RDX: variants seen among roughly 807,000 people sequenced by gnomAD.
The protein encoded by RDX is radixin.
In RDX, 32 loss-of-function variants were observed where a neutral mutation model predicts 83.7. That is an observed-to-expected ratio of 0.38 (90% CI 0.29 to 0.51). The LOEUF is 0.51. RDX is among the 20% of genes least tolerant of loss of function. RDX has a pLI of 0.87. For missense variants in RDX, 600 were observed against 689.9 expected (o/e 0.87, Z 1.46); for synonymous variants, 229 against 222.7 (o/e 1.03, Z -0.25).
chr11:110,250,541 T>C (rs957784218), intron 9 of RDX, among the ~76,000 whole-genome samples: 2 of 152,186 alleles, frequency 1.3e-5, no homozygotes, highest in African/African-American at 4.8e-5. Flanking sequence ...CAGACCCAGC[T>C]CTGGCATATA....
intron 3 of RDX, among the ~76,000 whole-genome samples, chr11:110,265,114 T>TTTTTTTTTTTG (rs1859981361): frequency 7.0e-6 from 1 of 143,118 alleles, no homozygotes. Context: ...TTTTTGTTTT[T>TTTTTTTTTTTG]TTTTTTTTTG....
At chr11:110,219,035 A>AG (rs1413128079) in intron 14 of RDX, among the ~76,000 whole-genome samples, 1 of 152,232 alleles carries the variant, frequency 6.6e-6, no homozygotes, top group African/African-American at 2.4e-5. Context: ...GTAAATATAT[A>AG]GTATGCTAGA....
intron 14 of RDX, among the ~76,000 whole-genome samples, chr11:110,206,184 G>A (rs1178035599): frequency 6.6e-6 from 1 of 150,836 alleles, no homozygotes; most frequent in Admixed American, 6.6e-5. Context: ...TTGAACCCAG[G>A]AGGCAGAGGT....
intron 2 of RDX, among the ~76,000 whole-genome samples, chr11:110,275,087 A>G (rs976954688): frequency 6.6e-6 from 1 of 152,204 alleles, no homozygotes; most frequent in African/African-American, 2.4e-5. Context: ...ATTTATTAAT[A>G]TCTGACAATT....
intron 1 of RDX, among the ~76,000 whole-genome samples, chr11:110,293,200 A>G (rs367708072): frequency 6.6e-6 from 1 of 152,230 alleles, no homozygotes; most frequent in Non-Finnish European, 1.5e-5. Flanking sequence ...GATATAAAGT[A>G]TATGTTTATC....
chr11:110,262,511 C>T (rs1859845784), intron 5 of RDX, among the ~76,000 whole-genome samples: 1 of 152,004 alleles, frequency 6.6e-6, no homozygotes, highest in Non-Finnish European at 1.5e-5. Context: ...TCGCTTGAAT[C>T]CGGGAGGCGG....
At chr11:110,287,388 G>A (rs1161534999) in intron 1 of RDX, among the ~76,000 whole-genome samples, 1 of 152,038 alleles carries the variant, frequency 6.6e-6, no homozygotes, top group Non-Finnish European at 1.5e-5. Context: ...ACAGTCTCTG[G>A]TACTGTACTG....
chr11:110,267,332 G>C (rs1009628271), intron 3 of RDX, among the ~76,000 whole-genome samples: 8 of 152,016 alleles, frequency 5.3e-5, no homozygotes, highest in Non-Finnish European at 1.2e-4. Context: ...GGTCAACATG[G>C]TGAAACCCCA....
chr11:110,295,986 CG>C lies in RDX; in HGVS notation c.-65+480del, dbSNP rs376492550. ...ACACCCCTCCTTTCAAACTGGAGGC[CG>C]GGGAACAAGTTCTAATAAATGTAAA... is the stretch of plus-strand genomic sequence containing the variant. On this transcript the variant is annotated intron_variant, in intron 1 of 13. Transcript: ENST00000645495. 4.0e-4 allele frequency among the ~76,000 whole-genome samples: 61 copies of C among 152,360 alleles called. No homozygotes were observed. In the East Asian group the frequency reaches 0.01, roughly 26 times the overall value.
chr11:110,215,987 T>C (rs1864037647), intron 14 of RDX, among the ~76,000 whole-genome samples: 1 of 152,170 alleles, frequency 6.6e-6, no homozygotes, highest in African/African-American at 2.4e-5. Flanking sequence ...ACACTGACAC[T>C]TCCATCCCTG....
chr11:110,197,221 C>T (rs184483817), intron 15 of RDX, among the ~76,000 whole-genome samples: 4 of 151,094 alleles, frequency 2.6e-5, no homozygotes, highest in East Asian at 1.9e-4. Context: ...TTAGATGTCA[C>T]GTTTAATTCC....
chr11:110,296,175 G>A (rs1453738449), intron 1 of RDX, among the ~76,000 whole-genome samples: 3 of 152,182 alleles, frequency 2.0e-5, no homozygotes, highest in Non-Finnish European at 2.9e-5. Flanking sequence ...GAGGAAAGGA[G>A]AATCCCGCGG....
Position 110,233,280 on chromosome 11 carries a change from A to G in RDX, c.1544T>C (p.Val515Ala). 10 of 1,613,968 alleles carry G rather than the reference A, an allele frequency of 6.2e-6. No homozygotes were observed. The highest frequency in any genetic ancestry group is 8.5e-6 in the Non-Finnish European group (10 of 1,180,004). ...ACGCTCATTTTTCTGTGTTTCGGTTACACGTTCTTCCTCGCTTCTATGGTT... is the reference window on the plus strand; with the variant it reads ...ACGCTCATTTTTCTGTGTTTCGGTTGCACGTTCTTCCTCGCTTCTATGGTT... ...VMNHRSEEER[V>A]TETQKNERVK... The change falls in exon 13 of 14, where the codon GTA becomes GCA. Residue 515 changes from valine (V) to alanine (A), a missense_variant. Transcript: ENST00000645495.
At position 110,215,049 on chromosome 11, in the gene RDX, A is replaced by AT. The variant is rs1555033357; in HGVS notation, c.1749-15372_1749-15371insA. Among the ~76,000 whole-genome samples the AT allele has an allele frequency of 9.3e-3, 908 of 97,186 alleles. 5 individuals carry two copies. Among genetic ancestry groups the AT allele is most frequent in the Middle Eastern group, 0.021 (4 of 192 alleles). 63.8% of individuals were successfully genotyped at this position (97,186 alleles called of 152,430 possible). On this transcript the variant is annotated intron_variant, in intron 14 of 15. Transcript: ENST00000528498. ...TAGGAGACCTAACAAAAAAAAAAAA[A>AT]ATATATATATATATATATATAATGC...
At chr11:110,188,032 GC>G (rs562470581) in intron 15 of RDX, among the ~76,000 whole-genome samples, 103 of 152,198 alleles carry the variant, frequency 6.8e-4, no homozygotes, top group Non-Finnish European at 1.1e-3. Context: ...GGTGGCTCAT[GC>G]CTGTAATCCC....
chr11:110,279,255 T>C (rs1448232842), intron 2 of RDX, among the ~76,000 whole-genome samples: 1 of 152,202 alleles, frequency 6.6e-6, no homozygotes, highest in Non-Finnish European at 1.5e-5. Context: ...GTCACCCAGA[T>C]TGGTGGCAGA....
At chr11:110,224,073 G>A (rs1275452969) in intron 14 of RDX, among the ~76,000 whole-genome samples, 2 of 152,010 alleles carry the variant, frequency 1.3e-5, no homozygotes, top group African/African-American at 4.8e-5. Context: ...AATTTCCAAA[G>A]TGAGTTGTTT....
chr11:110,210,823 A>C (rs1424608887), intron 14 of RDX, among the ~76,000 whole-genome samples: 2 of 152,204 alleles, frequency 1.3e-5, no homozygotes, highest in African/African-American at 4.8e-5. Flanking sequence ...CTGCCTTACA[A>C]GAGCTCCTGA....
chr11:110,279,366 A>G lies in RDX; in HGVS notation c.12+315T>C, dbSNP rs572547905. Among the ~76,000 whole-genome samples, 31 of 152,318 alleles carry G rather than the reference A, an allele frequency of 2.0e-4. No homozygotes were observed. The East Asian group carries it at 4.4e-3, about 22-fold the overall frequency. On this transcript the variant is annotated intron_variant, in intron 2 of 13. Transcript: ENST00000645495. ...CATGGTGAAACCCCATCTATACCAGAAATACAAAAATTAGCCGGGCATGAT... is the reference window on the plus strand; with the variant it reads ...CATGGTGAAACCCCATCTATACCAGGAATACAAAAATTAGCCGGGCATGAT...
Sources: gnomAD v4.1 joint callset for allele counts (sites outside exome capture counted in the v4.1 genomes callset) on GRCh38, gnomAD v4.1.1 for gene constraint, MANE v1.5 for transcripts, NCBI Gene and HGNC (gene_info 2026-07-23, HGNC 2026-07-21) for gene names.